The following IFIH1 variants were observed in gnomAD, a reference collection of about 807,000 sequenced individuals.
The protein encoded by IFIH1 is interferon-induced helicase C domain-containing protein 1.
IFIH1 carries 125 observed loss-of-function variants against 107.4 expected under a neutral mutation model. The ratio of observed to expected loss-of-function variants is 1.16; its 90% CI spans 1.01 to 1.35. The LOEUF is 1.35. Ranked by LOEUF, IFIH1 falls within the 40% of genes most tolerant of loss-of-function variation. IFIH1 has a pLI of 0.00. For missense variants in IFIH1, 1,333 were observed against 1,213.7 expected, an observed-to-expected ratio of 1.10 and a Z score of -1.46; for synonymous variants, 458 against 413.2, an observed-to-expected ratio of 1.11 and a Z score of -1.31.
At position 162,318,323 on chromosome 2, in the gene IFIH1, A is replaced by T. The variant is rs749703290; in HGVS notation, c.-16T>A. Reference sequence around the variant, plus strand: ...CATTCGACATCTTTCTTTCTCAGAGAAGGGAGAGGGTTCTCCCAAGCAGAT... The same window carrying T: ...CATTCGACATCTTTCTTTCTCAGAGTAGGGAGAGGGTTCTCCCAAGCAGAT... On this transcript the variant is annotated 5_prime_UTR_variant, in exon 1 of 16. Coordinates refer to ENST00000649979, the MANE Select transcript of IFIH1 (RefSeq NM_022168.4). 4.4e-6 allele frequency: 7 copies of T among 1,602,128 alleles called. No homozygotes were observed. Among genetic ancestry groups the T allele is most frequent in the Non-Finnish European group, 6.0e-6 (7 of 1,171,328 alleles).
Position 162,288,331 on chromosome 2 carries a change from G to T in IFIH1, c.899C>A (p.Ala300Glu), listed in dbSNP as rs754182031. Residue 300 changes from alanine to glutamate, a missense_variant, in exon 5 of 16, where the codon GCA (alanine) becomes GAA (glutamate). Transcript: ENST00000649979. ...DSDEENVAAR[A>E]SPEPELQLRP... ...GAGCTGGAGTTCTGGCTCCGGGGAT[G>T]CTCTTGCTGCCACATTCTCTTCATC... is the stretch of plus-strand genomic sequence containing the variant. 6.2e-7 allele frequency: 1 copy of T among 1,612,440 alleles called. No homozygotes were observed. Among genetic ancestry groups the T allele is most frequent in the South Asian group, 1.1e-5 (1 of 91,046 alleles).
In IFIH1 at chr2:162,297,491, G is replaced by T. The variant is rs60393953; in HGVS notation, c.770-3823C>A. ...AACCTTCTGTTTTAAAAAATATATA[G>T]AGAGAGATAGTAGTCTCTATTTTCT... is the stretch of plus-strand genomic sequence containing the variant. On this transcript the variant is annotated intron_variant, in intron 3 of 15. Transcript: ENST00000649979. Among the ~76,000 whole-genome samples, 1,078 of 152,210 alleles carry T rather than the reference G, an allele frequency of 7.1e-3. 7 individuals are homozygous for T. Among genetic ancestry groups the T allele is most frequent in the African/African-American group, 0.018 (742 of 41,538 alleles).
In IFIH1 at chr2:162,318,417, T is replaced by G. The variant is rs1257540275; in HGVS notation, c.-110A>C. ...CCGCTGCCCACTTAGAGAAGCAGGGTCTACCGCTCTGTGCCTGACAATGAC... is the reference window on the plus strand; with the variant it reads ...CCGCTGCCCACTTAGAGAAGCAGGGGCTACCGCTCTGTGCCTGACAATGAC... On this transcript the variant is annotated 5_prime_UTR_variant, in exon 1 of 16. Coordinates refer to ENST00000649979, the MANE Select transcript of IFIH1 (RefSeq NM_022168.4). 1 of 893,912 alleles carries G rather than the reference T, an allele frequency of 1.1e-6. No homozygotes were observed. Among genetic ancestry groups the G allele is most frequent in the Admixed American group, 2.1e-5 (1 of 48,268 alleles). The allele number at this position is 893,912 out of a possible 1,614,324, so 55.4% of individuals were successfully genotyped here.
At chr2:162,314,651 C>A (rs1442237138) in intron 1 of IFIH1, among the ~76,000 whole-genome samples, 1 of 151,706 alleles carries the variant, frequency 6.6e-6, no homozygotes, top group Admixed American at 6.6e-5. Context: ...CCACACCCAG[C>A]TAATTTTTTT....
chr2:162,277,619 T>C lies in IFIH1; in HGVS notation c.1840A>G (p.Asn614Asp), dbSNP rs1189120628. ...GCATCTATCATTCGAATTGTGTCATTAATTTGTAGGGCCTCATTGTACTTC... is the reference window on the plus strand; with the variant it reads ...GCATCTATCATTCGAATTGTGTCATCAATTTGTAGGGCCTCATTGTACTTC... Reference protein sequence around the residue: ...LRKYNEALQINDTIRMIDAYT... With the variant: ...LRKYNEALQIDDTIRMIDAYT... Residue 614 changes from asparagine (N) to aspartate (D), a missense_variant, in exon 10 of 16, where the codon AAT becomes GAT. Transcript: ENST00000649979. 6.2e-7 allele frequency: 1 copy of C among 1,613,408 alleles called. No homozygotes were observed. Among genetic ancestry groups the C allele is most frequent in the East Asian group, 2.2e-5 (1 of 44,848 alleles).
rs942025895 is a variant in IFIH1, at chr2:162,288,966, A to C, written c.875-611T>G. On this transcript the variant is annotated intron_variant, in intron 4 of 15. Transcript: ENST00000649979. ...ACACACACACACACACAGACACCCT[A>C]TCTATCTCAAGTTCCTTTTTCCATC... 7.0e-5 allele frequency among the ~76,000 whole-genome samples: 10 copies of C among 142,952 alleles called. No individual in the cohort carries two copies. In the East Asian group the frequency reaches 1.2e-3, roughly 18 times the overall value. The allele number at this position is 142,952 out of a possible 152,430, so 93.8% of individuals were successfully genotyped here. A position where few individuals can be genotyped will look rare whatever the true frequency, so the allele number is the denominator to read the frequency against.
At chr2:162,304,101 C>A (rs1054554148) in intron 3 of IFIH1, among the ~76,000 whole-genome samples, 2 of 152,146 alleles carry the variant, frequency 1.3e-5, no homozygotes, top group African/African-American at 4.8e-5. Context: ...ACAAAAAAAA[C>A]TATCCTGTAT....
chr2:162,276,812 T>C lies in IFIH1; in HGVS notation c.2179A>G (p.Thr727Ala), dbSNP rs765352979. 1.2e-6 allele frequency: 2 copies of C among 1,614,052 alleles called. No individual in the cohort carries two copies. Among genetic ancestry groups the C allele is most frequent in the South Asian group, 2.2e-5 (2 of 91,078 alleles). The change falls in exon 11 of 16, where the codon ACA becomes GCA. Residue 727 changes from threonine (T) to alanine (A), a missense_variant. Transcript: ENST00000649979. The part of the protein sequence containing the change: ...ESARGIIFTK[T>A]RQSAYALSQW... ...GAAAGCGCATATGCACTCTGTCGTG[T>C]TTTTGTAAAGATTATTCCTCGTGCT...
chr2:162,314,326 T>C (rs1189449421), intron 1 of IFIH1, among the ~76,000 whole-genome samples: 1 of 151,986 alleles, frequency 6.6e-6, no homozygotes, highest in Non-Finnish European at 1.5e-5. Context: ...GTCCCTTGTA[T>C]ACAGTAGACA....
chr2:162,268,133 G>A lies in IFIH1; in HGVS notation c.2761C>T (p.His921Tyr), dbSNP rs1291159972. ...ACGTGATGCATTTTCTCAATTACAT[G>A]GATATCTTCCCCAGAACAGGCTAGC... ...SVLACSGEDI[H>Y]VIEKMHHVNM... is the part of the protein sequence containing the mutation. The change falls in exon 14 of 16, where the codon CAT becomes TAT. Residue 921 changes from histidine to tyrosine, a missense_variant. Physicochemically the swap from His to Tyr is moderately conservative, Grantham distance 83 (BLOSUM62 2). Coordinates refer to ENST00000649979, the MANE Select transcript of IFIH1 (RefSeq NM_022168.4). The A allele has an allele frequency of 6.2e-7, 1 of 1,610,522 alleles. No individual in the cohort carries two copies. The highest frequency in any genetic ancestry group is 1.3e-5 in the African/African-American group (1 of 74,732).
At position 162,273,961 on chromosome 2, in the gene IFIH1, ATAAAT is replaced by A; in HGVS notation, c.2305-22_2305-18del. On this transcript the variant is annotated intron_variant, in intron 11 of 15. Coordinates refer to ENST00000649979, the MANE Select transcript of IFIH1 (RefSeq NM_022168.4). ...TTGTTCATTCTGTAGAAACATTTTAATAAATTAAATTTTGTGATGCTAAACACATT... is the reference window on the plus strand; with the variant it reads ...TTGTTCATTCTGTAGAAACATTTTAATAAATTTTGTGATGCTAAACACATT... 6.5e-7 allele frequency: 1 copy of A among 1,537,864 alleles called. No homozygotes were observed. The highest frequency in any genetic ancestry group is 8.9e-7 in the Non-Finnish European group (1 of 1,121,694).
At chr2:162,303,101 T>C (rs937263140) in intron 3 of IFIH1, among the ~76,000 whole-genome samples, 1 of 152,104 alleles carries the variant, frequency 6.6e-6, no homozygotes, top group African/African-American at 2.4e-5. Flanking sequence ...GAAAGCTCCA[T>C]GGGGGCTGAA....
intron 11 of IFIH1, among the ~76,000 whole-genome samples, chr2:162,274,174 G>T (rs1691104656): frequency 6.6e-6 from 1 of 152,136 alleles, no homozygotes; most frequent in South Asian, 2.1e-4. Context: ...CCATCATCCA[G>T]TCTGGAGGTG....
intron 3 of IFIH1, among the ~76,000 whole-genome samples, chr2:162,300,275 G>A (rs1228823585): frequency 2.0e-5 from 3 of 152,108 alleles, no homozygotes; most frequent in Admixed American, 2.0e-4. Flanking sequence ...AAATTGTGAA[G>A]GGAAGATCTG....
At position 162,318,286 on chromosome 2, in the gene IFIH1, C is replaced by T; in HGVS notation, c.22G>A (p.Asp8Asn). 1.2e-6 allele frequency: 2 copies of T among 1,613,394 alleles called. No individual in the cohort carries two copies. Among genetic ancestry groups the T allele is most frequent in the Non-Finnish European group, 1.7e-6 (2 of 1,179,436 alleles). ...GAGATGAGATAGCGGAAATTCTCGT[C>T]TGTGGAATACCCATTCGACATCTTT... MSNGYST[D>N]ENFRYLISCF... is the part of the protein sequence containing the mutation. The change falls in exon 1 of 16, where the codon GAC becomes AAC. Residue 8 changes from aspartate to asparagine, a missense_variant. By Grantham distance (23) the Asp-to-Asn change is conservative. Coordinates refer to ENST00000649979, the MANE Select transcript of IFIH1 (RefSeq NM_022168.4).
chr2:162,274,081 G>GT, intron 11 of IFIH1, 137 bp from the exon 12 acceptor site: 2 of 573,420 alleles, frequency 3.5e-6, no homozygotes, highest in Non-Finnish European at 5.9e-6. Flanking sequence ...GTTGCCATCT[G>GT]TTTTTGGCAT....
rs879937171 is a variant in IFIH1 at position 162,280,254 on chromosome 2, T to C, written c.1525-142A>G. 3 of 607,022 alleles carry C rather than the reference T, an allele frequency of 4.9e-6. No homozygotes were observed. The Admixed American group carries it at 9.3e-5, about 19-fold the overall frequency. 37.6% of individuals were successfully genotyped at this position (607,022 alleles called of 1,614,324 possible). On this transcript the variant is annotated intron_variant, in intron 7 of 15. Transcript: ENST00000649979. Reference sequence around the variant, plus strand: ...GGTATAAAATTTCATGAAAGTAATATGTAGCATTGCTTGCTAAATATAGCA... The same window carrying C: ...GGTATAAAATTTCATGAAAGTAATACGTAGCATTGCTTGCTAAATATAGCA...
At chr2:162,298,313 A>T (rs903164647) in intron 3 of IFIH1, among the ~76,000 whole-genome samples, 1 of 152,166 alleles carries the variant, frequency 6.6e-6, no homozygotes, top group African/African-American at 2.4e-5. Flanking sequence ...CCCTGGCTTC[A>T]GTCTGCCACA....
At chr2:162,306,996 C>T in intron 2 of IFIH1, 141 bp from the exon 3 acceptor site, 2 of 631,178 alleles carry the variant, frequency 3.2e-6, no homozygotes, top group African/African-American at 1.8e-5. Flanking sequence ...CTTTGAAGTT[C>T]TGAATAGAAT....
Sources: allele counts gnomAD v4.1 joint callset (sites outside exome capture counted in the v4.1 genomes callset), GRCh38; gene constraint gnomAD v4.1.1; transcripts MANE v1.5; gene names NCBI Gene and HGNC (gene_info 2026-07-23, HGNC 2026-07-21).